The following MTG2 variants were observed in gnomAD, a reference collection of about 807,000 sequenced individuals.
MTG2 encodes the protein mitochondrial ribosome associated GTPase 2, also known as mitochondrial ribosome-associated GTPase 2.
In MTG2, 23 loss-of-function variants were observed where a neutral mutation model predicts 28.6. The observed-to-expected ratio is 0.80, with a 90% CI of 0.58 to 1.14. MTG2 has a LOEUF of 1.14. Ranked by LOEUF, MTG2 falls within the 50% of genes most tolerant of loss-of-function variation. The pLI is 0.00. For missense variants in MTG2, 539 were observed against 552.0 expected (o/e 0.98, Z 0.24); for synonymous variants, 260 against 251.8 (o/e 1.03, Z -0.31).
At chr20:62,198,954 C>A in intron 5 of MTG2, 102 bp downstream of exon 5, 2 of 1,547,722 alleles carry the variant, frequency 1.3e-6, no homozygotes, top group South Asian at 1.1e-5. Context: ...AACAGCTTTG[C>A]GACTCACCTT....
chr20:62,183,243 C>G (rs2145814587), intron 1 of MTG2, among the ~76,000 whole-genome samples, 186 bp downstream of exon 1: 1 of 152,128 alleles, frequency 6.6e-6, no homozygotes, highest in Non-Finnish European at 1.5e-5. Context: ...AGCGCTGCGG[C>G]CCTGGAGTAG....
At chr20:62,196,129 A>G (rs2058052664) in intron 3 of MTG2, among the ~76,000 whole-genome samples, 180 bp downstream of exon 3, 1 of 151,696 alleles carries the variant, frequency 6.6e-6, no homozygotes, top group African/African-American at 2.4e-5. Flanking sequence ...CCTGGACAAT[A>G]TAGCAAGACC....
At chr20:62,186,080 G>T (rs570436560) in intron 1 of MTG2, among the ~76,000 whole-genome samples, 1 of 152,246 alleles carries the variant, frequency 6.6e-6, no homozygotes, top group East Asian at 1.9e-4. Context: ...GGGCTGGATG[G>T]TGTAACGTTC....
intron 1 of MTG2, among the ~76,000 whole-genome samples, chr20:62,186,097 G>A (rs1042807799): frequency 2.0e-5 from 3 of 152,164 alleles, no homozygotes; most frequent in African/African-American, 7.2e-5. Context: ...GTTCCAGCAG[G>A]CTGAGCCGTG....
intron 1 of MTG2, among the ~76,000 whole-genome samples, chr20:62,189,355 G>A (rs999795336): frequency 1.3e-5 from 2 of 152,046 alleles, no homozygotes; most frequent in Non-Finnish European, 2.9e-5. Flanking sequence ...TATTGCTCAG[G>A]CTGGAGTGCG....
rs1194891485 is a variant in MTG2 at position 62,199,623 on chromosome 20, G to A, written c.826+366G>A. On this transcript the variant is annotated intron_variant, in intron 6 of 6. Transcript: ENST00000370823. ...ATCATGCCACTGCACTCCAGCCTGG[G>A]CGACAGAGCGAAACTCCATCTCAAA... Among the ~76,000 whole-genome samples the A allele has an allele frequency of 4.1e-5, 6 of 146,052 alleles. No homozygotes were observed. In the South Asian group the frequency reaches 1.4e-3, roughly 33 times the overall value.
intron 1 of MTG2, among the ~76,000 whole-genome samples, chr20:62,184,674 T>C (rs2057804202): frequency 1.3e-5 from 2 of 152,174 alleles, no homozygotes; most frequent in South Asian, 2.1e-4. Context: ...CAGGTCCCAG[T>C]AGGTTTTCCT....
Position 62,201,213 on chromosome 20 carries a change from G to A in MTG2, c.*136G>A. On this transcript the variant is annotated 3_prime_UTR_variant, in exon 7 of 7. Coordinates refer to ENST00000370823, the MANE Select transcript of MTG2 (RefSeq NM_015666.4). Reference sequence around the variant, plus strand: ...TCTGGGTCTCTGGGCCCCGCCTGCTGGCCTGAGATGCCCTCATGTTGGGAA... The same window carrying A: ...TCTGGGTCTCTGGGCCCCGCCTGCTAGCCTGAGATGCCCTCATGTTGGGAA... The A allele has an allele frequency of 9.1e-7, 1 of 1,104,584 alleles. No homozygotes were observed. Among genetic ancestry groups the A allele is most frequent in the African/African-American group, 1.6e-5 (1 of 63,398 alleles). The allele number at this position is 1,104,584 out of a possible 1,614,324, so 68.4% of individuals were successfully genotyped here. A position where few individuals can be genotyped will look rare whatever the true frequency, so the allele number is the denominator to read the frequency against.
chr20:62,192,815 GTTC>G (rs1484092632), intron 1 of MTG2, among the ~76,000 whole-genome samples: 2 of 152,190 alleles, frequency 1.3e-5, no homozygotes, highest in South Asian at 2.1e-4. Flanking sequence ...GGCCAAGTGT[GTTC>G]TTCTCATTCT....
intron 3 of MTG2, among the ~76,000 whole-genome samples, chr20:62,196,703 A>C (rs979533748): frequency 7.3e-5 from 11 of 151,188 alleles, no homozygotes; most frequent in Non-Finnish European, 1.0e-4. Context: ...AACAAAAAAA[A>C]CCCTGATGTA....
Position 62,200,837 on chromosome 20 carries a change from A to G in MTG2, c.981A>G (p.Glu327=), listed in dbSNP as rs1354725412. 4.3e-6 allele frequency: 7 copies of G among 1,613,718 alleles called. No individual in the cohort carries two copies. Among genetic ancestry groups the G allele is most frequent in the South Asian group, 1.1e-5 (1 of 91,082 alleles). ...CTCAAGTTGACGATTTAAAATATGA[A>G]CTGGAGATGTATGAAAAGGGCCTGT... ...PWTQVDDLKY[E]LEMYEKGLSA... is the part of the protein sequence containing the mutation. Residue 327 remains glutamate (E), a synonymous_variant, in exon 7 of 7, where the codon GAA becomes GAG. Coordinates refer to ENST00000370823, the MANE Select transcript of MTG2 (RefSeq NM_015666.4).
chr20:62,195,992 C>T (rs376474182), intron 3 of MTG2, 43 bp downstream of exon 3: 21 of 1,606,470 alleles, frequency 1.3e-5, no homozygotes, highest in Admixed American at 1.0e-4. Flanking sequence ...GGAGGGGCCC[C>T]GAGACTGCAT....
chr20:62,195,959 C>T lies in MTG2; in HGVS notation c.352+10C>T. The T allele has an allele frequency of 1.9e-6, 3 of 1,613,688 alleles. No individual in the cohort carries two copies. The African/African-American group carries it at 4.0e-5, about 22-fold the overall frequency. ...CACGTCATTCTGAGAGGCAGGTGCCCTGGGGCAGTGCAGCGGGGTTGAGGA... is the reference window on the plus strand; with the variant it reads ...CACGTCATTCTGAGAGGCAGGTGCCTTGGGGCAGTGCAGCGGGGTTGAGGA... On this transcript the variant is annotated intron_variant, in intron 3 of 6. Transcript: ENST00000370823.
chr20:62,198,716 T>C lies in MTG2; in HGVS notation c.551T>C (p.Leu184Pro). The C allele has an allele frequency of 6.2e-7, 1 of 1,614,122 alleles. No homozygotes were observed. Among genetic ancestry groups the C allele is most frequent in the South Asian group, 1.1e-5 (1 of 91,088 alleles). ...GTGGGAGATGAGTACATTGCCGCGC[T>C]GGGCGGGGCAGGAGGGAAAGGCAAC... ...SCVGDEYIAA[L>P]GGAGGKGNRF... Residue 184 changes from leucine (L) to proline (P), a missense_variant, in exon 5 of 7, where the codon CTG (leucine) becomes CCG (proline). Physicochemically the swap from Leu to Pro is moderately conservative, Grantham distance 98. Transcript: ENST00000370823.
At chr20:62,188,508 A>ATTTTTTTTTTTTTTTTTT in intron 1 of MTG2, among the ~76,000 whole-genome samples, 1 of 89,726 alleles carries the variant, frequency 1.1e-5, no homozygotes, top group Non-Finnish European at 2.1e-5. Flanking sequence ...TAATCAGCTA[A>ATTTTTTTTTTTTTTTTTT]TTTTTTTTTT....
chr20:62,195,693 ATTT>A (rs769418673), intron 2 of MTG2, 106 bp from the exon 3 acceptor site: 25 of 1,355,694 alleles, frequency 1.8e-5, no homozygotes, highest in Non-Finnish European at 2.3e-5. Flanking sequence ...TTAACCTCTA[ATTT>A]TAATAGGCTG....
chr20:62,193,217 C>T (rs2057994464), intron 1 of MTG2, among the ~76,000 whole-genome samples, 199 bp from the exon 2 acceptor site: 1 of 151,758 alleles, frequency 6.6e-6, no homozygotes. Context: ...TCCCAAGTCA[C>T]AGATAGGCTG....
chr20:62,190,325 C>T (rs1034767471), intron 1 of MTG2, among the ~76,000 whole-genome samples: 17 of 152,196 alleles, frequency 1.1e-4, no homozygotes, highest in African/African-American at 2.7e-4. Flanking sequence ...AAGCCAACTA[C>T]GCAGTATTTT....
chr20:62,193,460 G>C lies in MTG2; in HGVS notation c.40G>C (p.Val14Leu), dbSNP rs764457364. Reference protein sequence around the residue: ...ARCFSARLRTVFQGVGHWALS... With the variant: ...ARCFSARLRTLFQGVGHWALS... ...GTGTTTCTCAGCAAGATTGAGGACCGTGTTTCAGGGCGTGGGGCATTGGGC... is the reference window on the plus strand; with the variant it reads ...GTGTTTCTCAGCAAGATTGAGGACCCTGTTTCAGGGCGTGGGGCATTGGGC... The change falls in exon 2 of 7, where the codon GTG becomes CTG. Residue 14 changes from valine (V) to leucine (L), a missense_variant. Coordinates refer to ENST00000370823, the MANE Select transcript of MTG2 (RefSeq NM_015666.4). 1 of 1,614,082 alleles carries C rather than the reference G, an allele frequency of 6.2e-7. No individual in the cohort carries two copies. Among genetic ancestry groups the C allele is most frequent in the East Asian group, 2.2e-5 (1 of 44,902 alleles).
Sources: gnomAD v4.1 joint callset for allele counts (sites outside exome capture counted in the v4.1 genomes callset) on GRCh38, gnomAD v4.1.1 for gene constraint, MANE v1.5 for transcripts, NCBI Gene and HGNC (gene_info 2026-07-23, HGNC 2026-07-21) for gene names.